Variants in RPRD2 observed in about 807,000 individuals in gnomAD.
The protein encoded by RPRD2 is regulation of nuclear pre-mRNA domain-containing protein 2.
Under a neutral mutation model 104.4 loss-of-function variants are expected in RPRD2, and 12 were observed. The observed-to-expected ratio is 0.11, with a 90% CI of 0.07 to 0.19. The LOEUF is 0.19. Ranked by LOEUF, RPRD2 falls within the 10% of genes least tolerant of loss-of-function variation. RPRD2 has a pLI of 1.00. For missense variants in RPRD2, 1,543 were observed against 1,790.1 expected (o/e 0.86, Z 2.49); for synonymous variants, 714 against 684.9 (o/e 1.04, Z -0.66).
At chr1:150,409,908 G>A (rs1444166319) in intron 1 of RPRD2, among the ~76,000 whole-genome samples, 1 of 152,174 alleles carries the variant, frequency 6.6e-6, no homozygotes, top group African/African-American at 2.4e-5. Flanking sequence ...GCCTCCCAAA[G>A]TGCTGGGATT....
At chr1:150,439,404 G>A (rs1298711658) in intron 2 of RPRD2, among the ~76,000 whole-genome samples, 1 of 102,446 alleles carries the variant, frequency 9.8e-6, no homozygotes, top group Non-Finnish European at 2.4e-5. Context: ...AGCCCAGGAG[G>A]CTGAGGCTGC....
chr1:150,448,006 T>A (rs2102376916), intron 7 of RPRD2, among the ~76,000 whole-genome samples: 1 of 152,324 alleles, frequency 6.6e-6, no homozygotes, highest in East Asian at 1.9e-4. Context: ...CTGTTTTAAA[T>A]CTGTTATCTA....
At chr1:150,431,011 AC>A (rs1560195908) in intron 2 of RPRD2, among the ~76,000 whole-genome samples, 1 of 152,178 alleles carries the variant, frequency 6.6e-6, no homozygotes, top group African/African-American at 2.4e-5. Flanking sequence ...AATAACATAT[AC>A]TAAATAGCAT....
intron 1 of RPRD2, among the ~76,000 whole-genome samples, chr1:150,379,816 G>A (rs1417715643): frequency 2.0e-5 from 3 of 152,334 alleles, no homozygotes; most frequent in South Asian, 2.1e-4. Context: ...GATTACAGGC[G>A]TGAGCCAACG....
At chr1:150,433,691 G>T (rs905002337) in intron 2 of RPRD2, among the ~76,000 whole-genome samples, 1 of 127,282 alleles carries the variant, frequency 7.9e-6, no homozygotes, top group African/African-American at 3.1e-5. Context: ...TGATCCGCCC[G>T]CCTCGGCCTC....
At chr1:150,402,064 G>A (rs587678827) in intron 1 of RPRD2, among the ~76,000 whole-genome samples, 20 of 151,086 alleles carry the variant, frequency 1.3e-4, no homozygotes, top group African/African-American at 4.9e-4. Context: ...GGTTCAAGCA[G>A]TTCTCTGCCT....
At chr1:150,456,246 A>G (rs1008405034) in intron 7 of RPRD2, among the ~76,000 whole-genome samples, 1 of 151,918 alleles carries the variant, frequency 6.6e-6, no homozygotes, top group East Asian at 1.9e-4. Context: ...TAGAAGATAC[A>G]TTTAGGCTCT....
intron 9 of RPRD2, among the ~76,000 whole-genome samples, chr1:150,461,994 A>C (rs1175811331): frequency 6.8e-6 from 1 of 147,186 alleles, no homozygotes; most frequent in Non-Finnish European, 1.5e-5. Context: ...AACAAAAAAC[A>C]AAAATTAGGC....
intron 2 of RPRD2, among the ~76,000 whole-genome samples, chr1:150,422,686 AT>A (rs587659557): frequency 1.2e-3 from 179 of 152,314 alleles, no homozygotes; most frequent in African/African-American, 4.1e-3. Context: ...AAGTCACACC[AT>A]TTTTATATGT....
intron 1 of RPRD2, among the ~76,000 whole-genome samples, chr1:150,407,661 A>T (rs782304514): frequency 6.6e-6 from 1 of 152,158 alleles, no homozygotes; most frequent in Non-Finnish European, 1.5e-5. Context: ...ACTTTTTCAG[A>T]TAATTTTTTC....
chr1:150,408,158 A>ATTTTTTTTTTTTTTT (rs10684924), intron 1 of RPRD2, among the ~76,000 whole-genome samples: 1 of 95,096 alleles, frequency 1.1e-5, no homozygotes, highest in Non-Finnish European at 2.0e-5. Flanking sequence ...TATTCATATG[A>ATTTTTTTTTTTTTTT]TTTTTTTTTT....
At chr1:150,440,046 A>G (rs1169741482) in intron 2 of RPRD2, among the ~76,000 whole-genome samples, 2 of 151,984 alleles carry the variant, frequency 1.3e-5, no homozygotes, top group Non-Finnish European at 2.9e-5. Context: ...TCAGTACAGT[A>G]CAGATCCTCT....
chr1:150,425,120 A>G (rs1665031103), intron 2 of RPRD2, among the ~76,000 whole-genome samples: 1 of 152,186 alleles, frequency 6.6e-6, no homozygotes, highest in Admixed American at 6.5e-5. Context: ...CGTCTGTATA[A>G]TGAATCCAGT....
Position 150,471,697 on chromosome 1 carries a change from A to T in RPRD2, c.2749A>T (p.Ser917Cys). 6.2e-7 allele frequency: 1 copy of T among 1,613,872 alleles called. No individual in the cohort carries two copies. The highest frequency in any genetic ancestry group is 8.5e-7 in the Non-Finnish European group (1 of 1,179,856). ...TTCCCCTGGGCTATTTGGTGCCTTC[A>T]GCGTAAGAGGGAATGAACCTGGGTC... ...SSSPGLFGAF[S>C]VRGNEPGSDR... Residue 917 changes from serine to cysteine, a missense_variant, in exon 11 of 11, where the codon AGC becomes TGC. Ser to Cys is a moderately radical substitution (Grantham distance 112). Coordinates refer to ENST00000369068, the MANE Select transcript of RPRD2 (RefSeq NM_015203.5). This position sits in a 1 kb window ranked among gnomAD's most constrained non-coding sequence, Gnocchi z 5.3.
chr1:150,398,654 C>T (rs1662736361), intron 1 of RPRD2, among the ~76,000 whole-genome samples: 1 of 152,000 alleles, frequency 6.6e-6, no homozygotes, highest in Non-Finnish European at 1.5e-5. Context: ...AGCCATTCTC[C>T]TCCTTCAGCC....
In RPRD2 at chr1:150,460,077, A is replaced by C. The variant is rs1570783966; in HGVS notation, c.1171A>C (p.Lys391Gln). 1.2e-6 allele frequency: 2 copies of C among 1,613,850 alleles called. No individual in the cohort carries two copies. The highest frequency in any genetic ancestry group is 1.3e-5 in the African/African-American group (1 of 74,936). Residue 391 changes from lysine (K) to glutamine (Q), a missense_variant, in exon 9 of 11, where the codon AAA becomes CAA. Around this residue, in one of 4 missense-constraint regions of RPRD2, gnomAD observed 572 missense variants for 787.3 expected, o/e 0.73. Coordinates refer to ENST00000369068, the MANE Select transcript of RPRD2 (RefSeq NM_015203.5). Reference sequence around the variant, plus strand: ...TGAAACAGTCGAGGACAGGAAGGAAAAACCTGCAGAGAAGTCAGCTGTATC... The same window carrying C: ...TGAAACAGTCGAGGACAGGAAGGAACAACCTGCAGAGAAGTCAGCTGTATC... ...SKIIVEDRKE[K>Q]PAEKSAVSTS...
chr1:150,471,662 G>A lies in RPRD2; in HGVS notation c.2714G>A (p.Arg905His), dbSNP rs748567967. The change falls in exon 11 of 11, where the codon CGT (arginine) becomes CAT (histidine). Residue 905 changes from arginine (R) to histidine (H), a missense_variant. Arg to His is a conservative substitution (Grantham distance 29). Transcript: ENST00000369068. The surrounding 1 kb of genome is among the most constrained non-coding windows in gnomAD (Gnocchi z 5.3). ...CTGGACTCTAGTGAGAACTGTGACCGTCTCTCATCTTCCCCTGGGCTATTT... is the reference window on the plus strand; with the variant it reads ...CTGGACTCTAGTGAGAACTGTGACCATCTCTCATCTTCCCCTGGGCTATTT... ...ALLDSSENCD[R>H]LSSSPGLFGA... 37 of 1,613,716 alleles carry A rather than the reference G, an allele frequency of 2.3e-5. No homozygotes were observed. The highest frequency in any genetic ancestry group is 4.5e-5 in the East Asian group (2 of 44,888).
intron 1 of RPRD2, among the ~76,000 whole-genome samples, chr1:150,403,157 T>C (rs1395543354): frequency 6.6e-6 from 1 of 152,216 alleles, no homozygotes; most frequent in East Asian, 1.9e-4. Context: ...CCCTTCACCT[T>C]CTTTCTCTAC....
In RPRD2 at chr1:150,443,253, TCTC is replaced by T. The variant is rs1560206921; in HGVS notation, c.538_540del (p.Leu180del). The T allele has an allele frequency of 1.9e-6, 3 of 1,577,584 alleles. No individual in the cohort carries two copies. The Admixed American group carries it at 5.5e-5, about 29-fold the overall frequency. On this transcript the variant is annotated inframe_deletion, in exon 5 of 11. Transcript: ENST00000369068. Reference sequence around the variant, plus strand: ...CAGCATCTACAAATCCAAAAGCTGCTCTCAAGTCTAAGATAGTTGCTGAATTTC... The same window carrying T: ...CAGCATCTACAAATCCAAAAGCTGCTAAGTCTAAGATAGTTGCTGAATTTC...
Sources: gnomAD v4.1 joint callset for allele counts (sites outside exome capture counted in the v4.1 genomes callset) on GRCh38, gnomAD v4.1.1 for gene constraint, gnomAD v4.1.1 regional missense constraint, Gnocchi (gnomAD v3.1) non-coding constraint, MANE v1.5 for transcripts, NCBI Gene and HGNC (gene_info 2026-07-23, HGNC 2026-07-21) for gene names.